The following ERI2 variants were observed in gnomAD, a reference collection of about 807,000 sequenced individuals.
ERI2 encodes ERI1 exoribonuclease family member 2.
A neutral mutation model predicts 46.8 loss-of-function variants in ERI2; 35 were observed. That is an observed-to-expected ratio of 0.75 (90% CI 0.57 to 0.99). ERI2 has a LOEUF of 0.99. Among genes scored for constraint, ERI2 ranks in the 50% least tolerant of loss-of-function variants. The probability of loss-of-function intolerance (pLI) is 0.00; values close to 1 mark genes in which losing one functional copy is unlikely to be tolerated. For synonymous variants in ERI2, 224 were observed against 271.0 expected, an observed-to-expected ratio of 0.83 and a Z score of 1.70; for missense variants, 695 against 796.2, an observed-to-expected ratio of 0.87 and a Z score of 1.53.
rs1291614166 is a variant in ERI2, at chr16:20,781,581, C to T, written c.895-847G>A. The T allele has an allele frequency of 7.7e-6, 6 of 778,824 alleles. No individual in the cohort carries two copies. In the East Asian group the frequency reaches 8.0e-5, roughly 10 times the overall value. 48.2% of individuals were successfully genotyped at this position (778,824 alleles called of 1,614,324 possible). A position where few individuals can be genotyped will look rare whatever the true frequency, so the allele number is the denominator to read the frequency against. On this transcript the variant is annotated intron_variant, in intron 10 of 10. Coordinates refer to the ERI2 transcript ENST00000300005. ...CTGCAGACACTGAGGGATGATTCTA[C>T]AAGAAAAGGTAAGAATGTATTTACA...
chr16:20,788,485 T>C (rs916933), intron 10 of ERI2, among the ~76,000 whole-genome samples: 93,813 of 151,354 alleles, frequency 0.62, 30,140 homozygotes, highest in Non-Finnish European at 0.72. Flanking sequence ...CAGTACTTTT[T>C]CTGCATCCCC....
chr16:20,802,542 C>T (rs1409815078), intron 4 of ERI2, among the ~76,000 whole-genome samples: 1 of 151,452 alleles, frequency 6.6e-6, no homozygotes, highest in South Asian at 2.1e-4. Context: ...GCTGGGACTA[C>T]AGACACATGC....
chr16:20,802,954 A>G, intron 3 of ERI2, 31 bp from the exon 4 acceptor site: 2 of 1,529,346 alleles, frequency 1.3e-6, no homozygotes, highest in Non-Finnish European at 1.8e-6. Context: ...TTGACAGTTG[A>G]ATAAATAATT....
intron 10 of ERI2, chr16:20,780,847 G>A: frequency 1.2e-6 from 2 of 1,614,218 alleles, no homozygotes; most frequent in Non-Finnish European, 1.7e-6. Flanking sequence ...AGGATTATCT[G>A]TAAATGGAAG....
chr16:20,798,700 TTGGTATTAAA>T lies in ERI2; in HGVS notation c.1090_1099del (p.Phe364AsnfsTer29). On this transcript the variant is annotated frameshift_variant, in exon 9 of 9. Coordinates refer to ENST00000357967, the MANE Select transcript of ERI2 (RefSeq NM_001142725.2). LOFTEE classifies it high-confidence loss of function. ...TGAACCAACTGTTGAAGCCTTAGAT[TTGGTATTAAA>T]TGCAAGATGTTCATTTTTTCCTTGC... 1.3e-6 allele frequency: 2 copies of T among 1,551,696 alleles called. No individual in the cohort carries two copies. The highest frequency in any genetic ancestry group is 1.7e-6 in the Non-Finnish European group (2 of 1,146,950).
chr16:20,799,483 A>G lies in ERI2; in HGVS notation c.644-132T>C, dbSNP rs2080772975. 8.6e-6 allele frequency: 7 copies of G among 809,404 alleles called. No individual in the cohort carries two copies. The East Asian group carries it at 1.9e-4, about 22-fold the overall frequency. 50.1% of individuals were successfully genotyped at this position (809,404 alleles called of 1,614,324 possible). A position where few individuals can be genotyped will look rare whatever the true frequency, so the allele number is the denominator to read the frequency against. On this transcript the variant is annotated intron_variant, in intron 7 of 8. Transcript: ENST00000357967. The stretch of plus-strand genomic sequence containing the variant: ...CACAGTTTTAGTTTTATGACCATCT[A>G]CTAATTTTAATCATGATAAACTGGT...
rs1370613456 is a variant in ERI2, at chr16:20,780,763, A to G, written c.895-29T>C. The G allele has an allele frequency of 2.5e-6, 4 of 1,614,108 alleles. No individual in the cohort carries two copies. Among genetic ancestry groups the G allele is most frequent in the East Asian group, 2.2e-5 (1 of 44,894 alleles). On this transcript the variant is annotated intron_variant, in intron 10 of 10. Transcript: ENST00000300005. ...TGTGAAGACAAAACACAATGAGATC[A>G]TGGCCATATTCTTTACCAGTGGAAC...
intron 4 of ERI2, among the ~76,000 whole-genome samples, chr16:20,802,214 T>C (rs2080803338): frequency 1.3e-5 from 2 of 151,760 alleles, no homozygotes; most frequent in South Asian, 2.1e-4. Flanking sequence ...TGGTGGTGTG[T>C]ACCTATAGTC....
intron 1 of ERI2, among the ~76,000 whole-genome samples, chr16:20,804,971 T>C (rs2080840174): frequency 6.6e-6 from 1 of 152,222 alleles, no homozygotes; most frequent in South Asian, 2.1e-4. Flanking sequence ...AGAAAACTGA[T>C]TCTTAATTTG....
At chr16:20,799,736 C>T in intron 7 of ERI2, 1 of 477,964 alleles carries the variant, frequency 2.1e-6, no homozygotes, top group East Asian at 3.5e-5. Flanking sequence ...TCTTTTCATT[C>T]TTCTTAGCAA....
At chr16:20,792,841 G>T, downstream of ERI2, 1 of 457,228 alleles carries the variant, frequency 2.2e-6, no homozygotes, top group Non-Finnish European at 2.9e-6. Context: ...TAACACAGGT[G>T]TCCTGAAAGC....
intron 8 of ERI2, 72 bp downstream of exon 8, chr16:20,799,191 C>A: frequency 1.9e-6 from 3 of 1,568,026 alleles, no homozygotes; most frequent in Non-Finnish European, 2.6e-6. Flanking sequence ...CACATTAAAT[C>A]TACGTTTCAA....
chr16:20,796,850 T>C lies in ERI2; in HGVS notation c.*874A>G. 1 of 1,606,642 alleles carries C rather than the reference T, an allele frequency of 6.2e-7. No homozygotes were observed. On this transcript the variant is annotated 3_prime_UTR_variant, in exon 9 of 9. Coordinates refer to ENST00000357967, the MANE Select transcript of ERI2 (RefSeq NM_001142725.2). ...AATTGGCTTTATGTAAAGATAAAAATTTCCAGGCTAATTTTCTTCCCCTTG... is the reference window on the plus strand; with the variant it reads ...AATTGGCTTTATGTAAAGATAAAAACTTCCAGGCTAATTTTCTTCCCCTTG...
chr16:20,790,984 A>G lies in ERI2; in HGVS notation c.733-52T>C. 2 of 1,569,888 alleles carry G rather than the reference A, an allele frequency of 1.3e-6. No individual in the cohort carries two copies. Among genetic ancestry groups the G allele is most frequent in the Non-Finnish European group, 1.7e-6 (2 of 1,151,210 alleles). ...CCCCTGATCCTCTCAATTATCAAAC[A>G]AAACCCACTCATTTTCCTGAAATCC... On this transcript the variant is annotated intron_variant, in intron 8 of 10. Coordinates refer to the ERI2 transcript ENST00000300005. This position sits in a 1 kb window ranked among gnomAD's most constrained non-coding sequence, Gnocchi z 4.0.
downstream of ERI2, chr16:20,792,257 G>A (rs371374975): frequency 1.2e-6 from 2 of 1,614,082 alleles, no homozygotes. Flanking sequence ...GACCATTTGA[G>A]GTAGAAAATG....
In ERI2 at chr16:20,798,996, G is replaced by A; in HGVS notation, c.804C>T (p.Ala268=). The change falls in exon 9 of 9, where the codon GCC becomes GCT. Residue 268 remains alanine, a synonymous_variant. Transcript: ENST00000357967. ...TGGGACCCTGGATGCTAATGTTACAGGCAGACATTTCTTCAACTTGAATTG... is the reference window on the plus strand; with the variant it reads ...TGGGACCCTGGATGCTAATGTTACAAGCAGACATTTCTTCAACTTGAATTG... ...LNTIQVEEMS[A]CNISIQGPSI... The A allele has an allele frequency of 6.5e-7, 1 of 1,536,238 alleles. No individual in the cohort carries two copies. Among genetic ancestry groups the A allele is most frequent in the South Asian group, 1.3e-5 (1 of 79,752 alleles).
At chr16:20,806,306 G>A in intron 1 of ERI2, 102 bp downstream of exon 1, 1 of 1,503,294 alleles carries the variant, frequency 6.7e-7, no homozygotes, top group Non-Finnish European at 8.9e-7. Context: ...GCGGGGAATA[G>A]AGGCCCTCAC....
downstream of ERI2, chr16:20,792,070 G>A (rs1190722308): frequency 6.2e-7 from 1 of 1,614,142 alleles, no homozygotes; most frequent in East Asian, 2.2e-5. Flanking sequence ...GAGGATATAT[G>A]GATAAAGATG....
intron 7 of ERI2, 81 bp from the exon 8 acceptor site, chr16:20,799,432 A>G (rs1173572372): frequency 1.5e-5 from 20 of 1,308,256 alleles, no homozygotes; most frequent in African/African-American, 1.5e-5. Context: ...TTAAAAAGAA[A>G]AACACCACTT....
Sources: allele counts gnomAD v4.1 joint callset (sites outside exome capture counted in the v4.1 genomes callset), GRCh38; gene constraint gnomAD v4.1.1; non-coding constraint Gnocchi (gnomAD v3.1); transcripts MANE v1.5; gene names NCBI Gene and HGNC (gene_info 2026-07-23, HGNC 2026-07-21).